PLBD1: variants seen among roughly 807,000 people sequenced by gnomAD.
PLBD1 encodes the protein phospholipase B domain containing 1.
In PLBD1, 60 loss-of-function variants were observed where a neutral mutation model predicts 63.0. That is an observed-to-expected ratio of 0.95 (90% CI 0.77 to 1.18). The LOEUF is 1.18. Among genes scored for constraint, PLBD1 ranks in the 50% most tolerant of loss-of-function variants. PLBD1 has a pLI of 0.00. For missense variants in PLBD1, 598 were observed against 677.9 expected, an observed-to-expected ratio of 0.88 and a Z score of 1.31; for synonymous variants, 262 against 248.0, an observed-to-expected ratio of 1.06 and a Z score of -0.53.
intron 6 of PLBD1, among the ~76,000 whole-genome samples, chr12:14,512,040 CAGG>C (rs1945302293): frequency 6.9e-6 from 1 of 145,560 alleles, no homozygotes. Flanking sequence ...TAGGATTTTG[CAGG>C]AGAATTTTTA....
Position 14,567,727 on chromosome 12 carries a change from A to G in PLBD1, c.-31T>C. ...CACGGCCGCGACCTTCCTCTGCGGGATCAGGCGGCCGCGGTGGCCCGCGGT... is the reference window on the plus strand; with the variant it reads ...CACGGCCGCGACCTTCCTCTGCGGGGTCAGGCGGCCGCGGTGGCCCGCGGT... On this transcript the variant is annotated 5_prime_UTR_variant, in exon 1 of 11. Transcript: ENST00000240617. 1 of 1,392,442 alleles carries G rather than the reference A, an allele frequency of 7.2e-7. No homozygotes were observed. The highest frequency in any genetic ancestry group is 3.7e-5 in the Admixed American group (1 of 26,668). The allele number at this position is 1,392,442 out of a possible 1,614,324, so 86.3% of individuals were successfully genotyped here.
chr12:14,522,279 G>T (rs1945382658), intron 6 of PLBD1, among the ~76,000 whole-genome samples: 1 of 152,004 alleles, frequency 6.6e-6, no homozygotes, highest in Non-Finnish European at 1.5e-5. Context: ...ATAAATTCCT[G>T]GGCACATAAA....
At chr12:14,509,877 TC>T (rs1379728355) in intron 8 of PLBD1, among the ~76,000 whole-genome samples, 1 of 152,094 alleles carries the variant, frequency 6.6e-6, no homozygotes. Flanking sequence ...TCTCAATAAA[TC>T]TATCTATTTA....
At chr12:14,509,487 T>A (rs1309577847) in intron 8 of PLBD1, among the ~76,000 whole-genome samples, 1 of 151,606 alleles carries the variant, frequency 6.6e-6, no homozygotes, top group African/African-American at 2.4e-5. Context: ...TGGATGGATT[T>A]TCCTAACAAG....
At chr12:14,520,985 G>A (rs1339084659) in intron 6 of PLBD1, among the ~76,000 whole-genome samples, 5 of 152,074 alleles carry the variant, frequency 3.3e-5, no homozygotes, top group Non-Finnish European at 5.9e-5. Context: ...TCTTGAGACC[G>A]GTGCCACTAC....
chr12:14,517,336 G>A (rs1054342346), intron 6 of PLBD1, among the ~76,000 whole-genome samples: 6 of 152,112 alleles, frequency 3.9e-5, no homozygotes, highest in Admixed American at 2.6e-4. Flanking sequence ...TTGTAGAGAC[G>A]GGGGTCTTGC....
intron 2 of PLBD1, among the ~76,000 whole-genome samples, chr12:14,547,681 G>C (rs545866746): frequency 1.3e-5 from 2 of 152,012 alleles, no homozygotes; most frequent in Non-Finnish European, 2.9e-5. Context: ...TACATGTTGA[G>C]AATCAAAAAG....
intron 6 of PLBD1, chr12:14,533,321 G>A (rs758446667): frequency 2.6e-5 from 4 of 152,316 alleles, no homozygotes; most frequent in Non-Finnish European, 4.4e-5. Flanking sequence ...GAATCCCACT[G>A]TTCCATTGGC....
chr12:14,536,485 G>T, intron 5 of PLBD1, 85 bp downstream of exon 5: 1 of 1,428,406 alleles, frequency 7.0e-7, no homozygotes, highest in Non-Finnish European at 9.7e-7. Context: ...ATAGCCAGGG[G>T]TGATGAGATG....
chr12:14,551,486 T>C (rs1011279558), intron 2 of PLBD1, among the ~76,000 whole-genome samples: 2 of 152,220 alleles, frequency 1.3e-5, no homozygotes, highest in African/African-American at 4.8e-5. Context: ...CAATGCTTTA[T>C]CTAAAAAATG....
chr12:14,521,462 C>G (rs1398093077), intron 6 of PLBD1, among the ~76,000 whole-genome samples: 1 of 152,044 alleles, frequency 6.6e-6, no homozygotes. Context: ...GCAGAAAAGC[C>G]ATGCATATGA....
At chr12:14,524,712 A>G (rs928366526) in intron 6 of PLBD1, among the ~76,000 whole-genome samples, 1 of 152,232 alleles carries the variant, frequency 6.6e-6, no homozygotes, top group Non-Finnish European at 1.5e-5. Context: ...CCTCAAAAGA[A>G]AAAGGAAGGT....
intron 6 of PLBD1, among the ~76,000 whole-genome samples, chr12:14,532,585 G>C (rs35179643): frequency 0.092 from 14,071 of 152,202 alleles, 1,013 homozygotes; most frequent in South Asian, 0.25. Flanking sequence ...GGGCCAACTA[G>C]AGGAATCTGC....
Position 14,567,735 on chromosome 12 carries a change from G to T in PLBD1, c.-39C>A. The T allele has an allele frequency of 7.2e-7, 1 of 1,386,870 alleles. No individual in the cohort carries two copies. Among genetic ancestry groups the T allele is most frequent in the Non-Finnish European group, 9.2e-7 (1 of 1,082,344 alleles). The allele number at this position is 1,386,870 out of a possible 1,614,324, so 85.9% of individuals were successfully genotyped here. A position where few individuals can be genotyped will look rare whatever the true frequency, so the allele number is the denominator to read the frequency against. ...CGACCTTCCTCTGCGGGATCAGGCG[G>T]CCGCGGTGGCCCGCGGTGGCAGAAG... On this transcript the variant is annotated 5_prime_UTR_variant, in exon 1 of 11. Coordinates refer to ENST00000240617, the MANE Select transcript of PLBD1 (RefSeq NM_024829.6).
chr12:14,559,443 C>T (rs1017339818), intron 1 of PLBD1, among the ~76,000 whole-genome samples: 55 of 152,134 alleles, frequency 3.6e-4, no homozygotes, highest in African/African-American at 1.3e-3. Flanking sequence ...ATCCTCCTAC[C>T]TGAGCCTCCC....
chr12:14,512,438 A>G (rs1945305865), intron 6 of PLBD1, among the ~76,000 whole-genome samples: 1 of 152,164 alleles, frequency 6.6e-6, no homozygotes, highest in Admixed American at 6.5e-5. Flanking sequence ...GTGGGCCACC[A>G]CACCCGGCTA....
At chr12:14,534,240 G>C (rs1186958049) in intron 6 of PLBD1, among the ~76,000 whole-genome samples, 1 of 152,224 alleles carries the variant, frequency 6.6e-6, no homozygotes, top group Non-Finnish European at 1.5e-5. Context: ...CACCCCATAA[G>C]TTACGGATGC....
intron 4 of PLBD1, among the ~76,000 whole-genome samples, chr12:14,537,723 A>C (rs1475407153): frequency 6.6e-6 from 1 of 152,220 alleles, no homozygotes; most frequent in Non-Finnish European, 1.5e-5. Context: ...TGGGAAGACA[A>C]ACACAAATGA....
chr12:14,534,215 G>C lies in PLBD1; in HGVS notation c.844+1444C>G, dbSNP rs189195846. 2.4e-3 allele frequency among the ~76,000 whole-genome samples: 371 copies of C among 152,272 alleles called. 1 individual carries two copies. The highest frequency in any genetic ancestry group is 8.6e-3 in the African/African-American group (359 of 41,576). On this transcript the variant is annotated intron_variant, in intron 6 of 10. Transcript: ENST00000240617. ...CCGACAAAGGTAGATAGATATGACA[G>C]GTGGTTGGTATAACCACCCCATAAG...
Sources: allele counts gnomAD v4.1 joint callset (sites outside exome capture counted in the v4.1 genomes callset), GRCh38; gene constraint gnomAD v4.1.1; transcripts MANE v1.5; gene names NCBI Gene and HGNC (gene_info 2026-07-23, HGNC 2026-07-21).